LINC00237: variants seen among roughly 807,000 people sequenced by gnomAD.
LINC00237 encodes the protein long intergenic non-protein coding RNA 237.
intron 3 of LINC00237, among the ~76,000 whole-genome samples, chr20:21,086,639 A>G (rs1211299909): frequency 6.7e-5 from 8 of 119,920 alleles, no homozygotes; most frequent in African/African-American, 1.7e-4. Context: ...AGTATACTAT[A>G]TATAGTATAC....
At chr20:21,086,981 G>T (rs990542052) in intron 3 of LINC00237, among the ~76,000 whole-genome samples, 1 of 137,966 alleles carries the variant, frequency 7.2e-6, no homozygotes, top group African/African-American at 2.7e-5. Context: ...CACTCTATAT[G>T]TACTATAGTA....
intron 1 of LINC00237, among the ~76,000 whole-genome samples, chr20:21,105,289 C>G (rs1454027455): frequency 6.7e-6 from 1 of 150,046 alleles, no homozygotes; most frequent in African/African-American, 2.4e-5. Context: ...CGTCCCCCGC[C>G]CCCCACCCCA....
intron 1 of LINC00237, among the ~76,000 whole-genome samples, chr20:21,098,897 C>T (rs994776648): frequency 6.6e-6 from 1 of 152,226 alleles, no homozygotes; most frequent in Non-Finnish European, 1.5e-5. Flanking sequence ...CATTCAAGAT[C>T]AAATGGTTCC....
chr20:21,086,886 A>G (rs1283095117), intron 3 of LINC00237, among the ~76,000 whole-genome samples: 4 of 134,926 alleles, frequency 3.0e-5, no homozygotes, highest in African/African-American at 5.5e-5. Context: ...TATATAGTAT[A>G]TATGTACTAT....
chr20:21,103,545 C>T (rs1277286204), intron 1 of LINC00237, among the ~76,000 whole-genome samples: 2 of 152,200 alleles, frequency 1.3e-5, no homozygotes, highest in Admixed American at 6.5e-5. Flanking sequence ...TTTGAACCGG[C>T]TGGGTGTTAT....
exon 2 of LINC00237, chr20:21,093,601 C>T (rs779458403): frequency 6.6e-6 from 1 of 152,258 alleles, no homozygotes; most frequent in Non-Finnish European, 1.5e-5. Context: ...GACTGGAAAC[C>T]TGCACAAACA....
rs1291771490 is a variant in LINC00237 at position 21,101,862 on chromosome 20, G to A, written n.88+4409C>T. Among the ~76,000 whole-genome samples the A allele has an allele frequency of 1.3e-5, 2 of 152,176 alleles. No individual in the cohort carries two copies. The highest frequency in any genetic ancestry group is 3.9e-4 in the East Asian group (2 of 5,160). ...AGTGCAGGGGCCAGAGGCTGGCGGG[G>A]GCACGCGGGGGTGGTTGGGGGCGGA... is the stretch of plus-strand genomic sequence containing the variant. On this transcript the variant is annotated intron_variant and non_coding_transcript_variant, in intron 1 of 3. Coordinates refer to ENST00000691244, the Ensembl canonical transcript of LINC00237. The surrounding 1 kb of genome is among the most constrained non-coding windows in gnomAD (Gnocchi z 4.3).
chr20:21,094,631 A>G (rs375040485), intron 1 of LINC00237, among the ~76,000 whole-genome samples: 2 of 152,168 alleles, frequency 1.3e-5, no homozygotes, highest in Admixed American at 6.5e-5. Flanking sequence ...TTCCCATTCC[A>G]TGTAGCTCTT....
intron 1 of LINC00237, among the ~76,000 whole-genome samples, chr20:21,100,380 G>A (rs966252881): frequency 2.6e-5 from 4 of 152,362 alleles, no homozygotes; most frequent in South Asian, 4.1e-4. Flanking sequence ...GGAATCGCGC[G>A]AGCCCAGCGT....
chr20:21,097,608 T>A (rs2030877593), intron 1 of LINC00237, among the ~76,000 whole-genome samples: 1 of 152,234 alleles, frequency 6.6e-6, no homozygotes, highest in Admixed American at 6.5e-5. Context: ...TTTATTTCAT[T>A]TAAGTTATTG....
At chr20:21,088,720 T>C (rs2030747389) in intron 2 of LINC00237, among the ~76,000 whole-genome samples, 1 of 152,244 alleles carries the variant, frequency 6.6e-6, no homozygotes. Context: ...GGCCTCACTG[T>C]TGTATTTGCT....
At chr20:21,086,639 A>ATATAATG (rs2030702643) in intron 3 of LINC00237, among the ~76,000 whole-genome samples, 1 of 119,922 alleles carries the variant, frequency 8.3e-6, no homozygotes, top group African/African-American at 3.4e-5. Context: ...AGTATACTAT[A>ATATAATG]TATAGTATAC....
At chr20:21,106,146 G>T (rs2122188664) in intron 1 of LINC00237, 1 of 152,372 alleles carries the variant, frequency 6.6e-6, no homozygotes, top group Non-Finnish European at 1.5e-5. Context: ...GGAAAGAGTC[G>T]ATGACTCGCC....
chr20:21,097,659 T>C lies in LINC00237; in HGVS notation n.89-3807A>G, dbSNP rs991620429. On this transcript the variant is annotated intron_variant and non_coding_transcript_variant, in intron 1 of 3. Transcript: ENST00000691244. ...TATATTTCTAATATTTTTGTGCAAG[T>C]GAACAAGAGTAGCAGTTACCTCTGA... Among the ~76,000 whole-genome samples the C allele has an allele frequency of 2.0e-5, 3 of 152,328 alleles. No individual in the cohort carries two copies. The East Asian group carries it at 5.8e-4, about 29-fold the overall frequency.
chr20:21,092,859 A>G, intron 2 of LINC00237: 1 of 152,238 alleles, frequency 6.6e-6, no homozygotes, highest in East Asian at 1.9e-4. Context: ...GAAACTTTCT[A>G]GAAAGTTAGC....
At chr20:21,099,869 G>A (rs1224436706) in intron 1 of LINC00237, among the ~76,000 whole-genome samples, 1 of 152,148 alleles carries the variant, frequency 6.6e-6, no homozygotes, top group African/African-American at 2.4e-5. Flanking sequence ...TGTATGAGCT[G>A]TTTATCAAAT....
rs2030938611 is a variant in LINC00237 at position 21,101,989 on chromosome 20, G to C, written n.88+4282C>G. 6.6e-6 allele frequency among the ~76,000 whole-genome samples: 1 copy of C among 152,264 alleles called. No homozygotes were observed. The highest frequency in any genetic ancestry group is 6.5e-5 in the Admixed American group (1 of 15,292). On this transcript the variant is annotated intron_variant and non_coding_transcript_variant, in intron 1 of 3. Transcript: ENST00000691244. This position sits in a 1 kb window ranked among gnomAD's most constrained non-coding sequence, Gnocchi z 4.3. ...GATTGGACAGCCCCAGGCCGGCTTT[G>C]GATCCTTGGAGGCGGATACGCAAGG...
At chr20:21,105,088 G>A (rs1600316048) in intron 1 of LINC00237, among the ~76,000 whole-genome samples, 1 of 152,238 alleles carries the variant, frequency 6.6e-6, no homozygotes, top group Non-Finnish European at 1.5e-5. Flanking sequence ...CAGGCGCGCC[G>A]TTCTGGCGCT....
rs556990833 is a variant in LINC00237, at chr20:21,097,775, T to G, written n.89-3923A>C. On this transcript the variant is annotated intron_variant and non_coding_transcript_variant, in intron 1 of 3. Transcript: ENST00000691244. ...ACAAACCTCTCTCCAAATGCAAACC[T>G]CAGTCTCAGTTAGTAGACTGTGTTG... 6.7e-4 allele frequency among the ~76,000 whole-genome samples: 102 copies of G among 152,274 alleles called. No individual in the cohort carries two copies. The South Asian group carries it at 0.021, about 31-fold the overall frequency.
Sources: allele counts gnomAD v4.1 joint callset (sites outside exome capture counted in the v4.1 genomes callset), GRCh38; gene constraint gnomAD v4.1.1; non-coding constraint Gnocchi (gnomAD v3.1); transcripts MANE v1.5; gene names NCBI Gene and HGNC (gene_info 2026-07-23, HGNC 2026-07-21).